RMST: variants seen among roughly 807,000 people sequenced by gnomAD.
The protein encoded by RMST is long intergenic non-protein coding RNA 54.
intron 11 of RMST, among the ~76,000 whole-genome samples, chr12:97,553,161 A>T (rs572019390): frequency 6.6e-6 from 1 of 152,208 alleles, no homozygotes; most frequent in African/African-American, 2.4e-5. Flanking sequence ...ATAATGGTTT[A>T]TGTGCTAAAC....
exon 13 of RMST, chr12:97,560,811 C>T (rs575431951): frequency 3.9e-5 from 6 of 152,058 alleles, no homozygotes; most frequent in African/African-American, 1.4e-4. Flanking sequence ...AGGAATATTC[C>T]CCTGACCTGC....
At chr12:97,506,685 T>G (rs539735780) in intron 10 of RMST, among the ~76,000 whole-genome samples, 1 of 144,268 alleles carries the variant, frequency 6.9e-6, no homozygotes, top group African/African-American at 2.6e-5. Context: ...GTTTTTTTTT[T>G]TTTTTTTTTT....
intron 13 of RMST, chr12:97,563,698 G>T: frequency 2.3e-6 from 1 of 433,598 alleles, no homozygotes; most frequent in Admixed American, 2.9e-5. Flanking sequence ...ATTCAAGTGT[G>T]CTTCCTGTCA....
intron 5 of RMST, among the ~76,000 whole-genome samples, chr12:97,478,711 G>A (rs76558600): frequency 0.014 from 2,120 of 152,292 alleles, 54 homozygotes; most frequent in African/African-American, 0.048. Flanking sequence ...GATAGTGACT[G>A]ACAGGGCTTA....
chr12:97,492,848 T>G (rs1224553981), intron 6 of RMST: 1 of 152,204 alleles, frequency 6.6e-6, no homozygotes, highest in Non-Finnish European at 1.5e-5. Flanking sequence ...TATTTTTATT[T>G]TCAAAAAGAT....
intron 5 of RMST, among the ~76,000 whole-genome samples, chr12:97,468,012 G>C (rs1422398477): frequency 6.6e-6 from 1 of 151,924 alleles, no homozygotes; most frequent in East Asian, 1.9e-4. Flanking sequence ...GCATCATCTA[G>C]GAAATTTATT....
chr12:97,550,579 CAT>C, intron 11 of RMST, among the ~76,000 whole-genome samples: 1 of 152,116 alleles, frequency 6.6e-6, no homozygotes, highest in Non-Finnish European at 1.5e-5. Context: ...ATAAAATATT[CAT>C]AGATTCCTGT....
At chr12:97,498,752 CCT>C (rs1372761762) in intron 10 of RMST, among the ~76,000 whole-genome samples, 14 of 152,080 alleles carry the variant, frequency 9.2e-5, no homozygotes. Context: ...ATGGGCTCTG[CCT>C]CTCTGTTTTT....
intron 9 of RMST, among the ~76,000 whole-genome samples, chr12:97,495,047 C>T (rs1326525191): frequency 6.6e-6 from 1 of 152,024 alleles, no homozygotes; most frequent in Non-Finnish European, 1.5e-5. Context: ...TACTGAATAT[C>T]TTTTGTTTAT....
rs185083903 is a variant in RMST, at chr12:97,477,771, A to G, written n.644+12044A>G. ...AGGTTATTTCTTTGCACTGTGATTTATTCCATTTTATCTTCAGGATCACAA... is the reference window on the plus strand; with the variant it reads ...AGGTTATTTCTTTGCACTGTGATTTGTTCCATTTTATCTTCAGGATCACAA... On this transcript the variant is annotated intron_variant and non_coding_transcript_variant, in intron 5 of 13. Coordinates refer to ENST00000640149, the Ensembl canonical transcript of RMST. 2.0e-5 allele frequency among the ~76,000 whole-genome samples: 3 copies of G among 152,346 alleles called. No individual in the cohort carries two copies. In the East Asian group the frequency reaches 5.8e-4, roughly 29 times the overall value.
At chr12:97,517,875 T>A (rs1565929663) in intron 10 of RMST, among the ~76,000 whole-genome samples, 1 of 152,110 alleles carries the variant, frequency 6.6e-6, no homozygotes. Flanking sequence ...AAATTTTTCT[T>A]ACGTATTACC....
chr12:97,538,302 C>T (rs541311039), intron 11 of RMST, among the ~76,000 whole-genome samples: 5 of 151,428 alleles, frequency 3.3e-5, no homozygotes, highest in East Asian at 3.9e-4. Flanking sequence ...TTCTAGTGCC[C>T]GGTTTTAAAG....
intron 10 of RMST, among the ~76,000 whole-genome samples, chr12:97,514,081 C>G (rs776012143): frequency 6.6e-6 from 1 of 152,168 alleles, no homozygotes; most frequent in Non-Finnish European, 1.5e-5. Flanking sequence ...CCAGCTTTCT[C>G]TTTGCAGAAG....
intron 11 of RMST, among the ~76,000 whole-genome samples, chr12:97,542,991 G>A (rs1220628295): frequency 4.6e-5 from 7 of 151,952 alleles, no homozygotes; most frequent in Non-Finnish European, 1.0e-4. Flanking sequence ...ATGTGTTTGG[G>A]TATTTAAATT....
At chr12:97,500,299 G>A (rs1877944416) in intron 10 of RMST, among the ~76,000 whole-genome samples, 1 of 152,150 alleles carries the variant, frequency 6.6e-6, no homozygotes, top group Admixed American at 6.5e-5. Context: ...CTTTTGGAGA[G>A]CATCAGTGTA....
At chr12:97,513,513 G>C (rs1879632392) in intron 10 of RMST, among the ~76,000 whole-genome samples, 1 of 152,166 alleles carries the variant, frequency 6.6e-6, no homozygotes, top group Non-Finnish European at 1.5e-5. Context: ...CAACAAAACA[G>C]ACCAGAGCTT....
chr12:97,511,421 C>G (rs1305696283), intron 10 of RMST, among the ~76,000 whole-genome samples: 1 of 152,146 alleles, frequency 6.6e-6, no homozygotes, highest in African/African-American at 2.4e-5. Context: ...AGTGCATGAG[C>G]CACTGTGGCC....
At chr12:97,465,838 TA>T (rs1282250221) in intron 5 of RMST, 1 of 152,130 alleles carries the variant, frequency 6.6e-6, no homozygotes, top group Non-Finnish European at 1.5e-5. Flanking sequence ...TTTGATTTTT[TA>T]AAAATATTAA....
chr12:97,524,260 A>C (rs1451321658), intron 10 of RMST, among the ~76,000 whole-genome samples: 1 of 151,978 alleles, frequency 6.6e-6, no homozygotes, highest in African/African-American at 2.4e-5. Flanking sequence ...GTCGGGCTCC[A>C]TCTCGGACCT....
Sources: gnomAD v4.1 joint callset for allele counts (sites outside exome capture counted in the v4.1 genomes callset) on GRCh38, gnomAD v4.1.1 for gene constraint, MANE v1.5 for transcripts, NCBI Gene and HGNC (gene_info 2026-07-23, HGNC 2026-07-21) for gene names.